ARHGAP44: variants seen among roughly 807,000 people sequenced by gnomAD.
ARHGAP44 encodes rho GTPase-activating protein 44.
ARHGAP44 carries 43 observed loss-of-function variants against 106.8 expected under a neutral mutation model. That is an observed-to-expected ratio of 0.40 (90% CI 0.32 to 0.52). The LOEUF is 0.52. Ranked by LOEUF, ARHGAP44 falls within the 20% of genes least tolerant of loss-of-function variation. The pLI, the probability that ARHGAP44 is intolerant of heterozygous loss-of-function variation, is 0.48. For missense variants in ARHGAP44, 866 were observed against 1,050.5 expected, an observed-to-expected ratio of 0.82 and a Z score of 2.43; for synonymous variants, 439 against 410.3, an observed-to-expected ratio of 1.07 and a Z score of -0.85.
intron 16 of ARHGAP44, among the ~76,000 whole-genome samples, chr17:12,971,714 C>A (rs2039531759): frequency 1.3e-5 from 2 of 152,054 alleles, no homozygotes; most frequent in African/African-American, 4.8e-5. Flanking sequence ...GTTCTCAGAC[C>A]CCAGATGACT....
In ARHGAP44 at chr17:12,877,650, T is replaced by C. The variant is rs1422515887; in HGVS notation, c.54-17290T>C. Among the ~76,000 whole-genome samples the C allele has an allele frequency of 5.3e-5, 8 of 151,868 alleles. No homozygotes were observed. The East Asian group carries it at 1.5e-3, about 29-fold the overall frequency. The stretch of plus-strand genomic sequence containing the variant: ...CTGTAGTCCCAGCTACTCGGGAGGC[T>C]GAGGCAGGAGAATGGCATGAACCCG... On this transcript the variant is annotated intron_variant, in intron 1 of 20. Transcript: ENST00000379672.
chr17:12,876,336 C>G (rs1299840304), intron 1 of ARHGAP44, among the ~76,000 whole-genome samples: 2 of 152,238 alleles, frequency 1.3e-5, no homozygotes, highest in African/African-American at 4.8e-5. Flanking sequence ...CCCTCACTCC[C>G]TCTGCCTCTT....
At position 12,802,952 on chromosome 17, in the gene ARHGAP44, TATATATATATATA is replaced by T. The variant is rs1305584682; in HGVS notation, c.53+13062_53+13074del. Among the ~76,000 whole-genome samples the T allele has an allele frequency of 6.6e-3, 158 of 23,840 alleles. 16 individuals are homozygous for T. Among genetic ancestry groups the T allele is most frequent in the African/African-American group, 0.023 (84 of 3,620 alleles). The allele number at this position is 23,840 out of a possible 152,430, so 15.6% of individuals were successfully genotyped here. On this transcript the variant is annotated intron_variant, in intron 1 of 20. Transcript: ENST00000379672. ...TTATATATATATATATATATATATA[TATATATATATATA>T]TATATTTTTTTTTTTTTTTTTTTTT...
intron 1 of ARHGAP44, among the ~76,000 whole-genome samples, chr17:12,865,013 GA>G (rs1294159598): frequency 1.3e-5 from 2 of 152,042 alleles, no homozygotes; most frequent in Non-Finnish European, 2.9e-5. Context: ...GCCTCGAGGA[GA>G]AAAAGAGCTA....
intron 1 of ARHGAP44, among the ~76,000 whole-genome samples, chr17:12,831,622 A>T (rs1271305232): frequency 6.6e-6 from 1 of 152,170 alleles, no homozygotes. Context: ...CAACCCTCCC[A>T]TCGAGGCCCT....
chr17:12,841,630 ACACAC>A (rs1439980059), intron 1 of ARHGAP44, among the ~76,000 whole-genome samples: 3 of 138,910 alleles, frequency 2.2e-5, no homozygotes, highest in East Asian at 2.0e-4. Flanking sequence ...ACACACACAC[ACACAC>A]ACACAAACAA....
intron 1 of ARHGAP44, among the ~76,000 whole-genome samples, chr17:12,801,716 T>C (rs1199548774): frequency 6.6e-6 from 1 of 152,140 alleles, no homozygotes; most frequent in Non-Finnish European, 1.5e-5. Flanking sequence ...AGGGTTAAGA[T>C]TGTACAGTAT....
At chr17:12,920,365 G>A in intron 6 of ARHGAP44, among the ~76,000 whole-genome samples, 1 of 91,240 alleles carries the variant, frequency 1.1e-5, no homozygotes, top group African/African-American at 6.7e-5. Flanking sequence ...GACAGAGCAA[G>A]ACTCCATCTC....
At chr17:12,844,665 A>G (rs2035512071) in intron 1 of ARHGAP44, among the ~76,000 whole-genome samples, 1 of 152,244 alleles carries the variant, frequency 6.6e-6, no homozygotes. Flanking sequence ...TTCATGGTGT[A>G]GAATATGTCT....
At chr17:12,899,376 T>C (rs770908055) in intron 3 of ARHGAP44, among the ~76,000 whole-genome samples, 20 of 152,170 alleles carry the variant, frequency 1.3e-4, no homozygotes, top group Non-Finnish European at 2.6e-4. Context: ...CAAAGAGCCA[T>C]TTAAAATAGG....
intron 1 of ARHGAP44, among the ~76,000 whole-genome samples, chr17:12,816,693 G>T (rs1326601019): frequency 2.0e-5 from 3 of 152,130 alleles, no homozygotes; most frequent in Admixed American, 6.5e-5. Context: ...AAAAGAGTCA[G>T]TTTACCAGAA....
intron 16 of ARHGAP44, among the ~76,000 whole-genome samples, chr17:12,963,532 A>G (rs948863014): frequency 1.3e-5 from 2 of 151,882 alleles, no homozygotes; most frequent in Non-Finnish European, 2.9e-5. Context: ...ACCTCTGCCA[A>G]TGCTGTGTGT....
intron 1 of ARHGAP44, among the ~76,000 whole-genome samples, chr17:12,806,396 G>A (rs1459804249): frequency 6.6e-6 from 1 of 152,176 alleles, no homozygotes; most frequent in Non-Finnish European, 1.5e-5. Context: ...ATCATTGGGA[G>A]TTGGGGTGAG....
chr17:12,984,082 G>C (rs2039897241), intron 19 of ARHGAP44, among the ~76,000 whole-genome samples: 2 of 152,206 alleles, frequency 1.3e-5, no homozygotes, highest in Admixed American at 1.3e-4. Flanking sequence ...ACCTGCCCCT[G>C]TGTCAGGGCT....
intron 4 of ARHGAP44, among the ~76,000 whole-genome samples, chr17:12,912,158 A>G (rs575165922): frequency 6.6e-6 from 1 of 152,334 alleles, no homozygotes; most frequent in South Asian, 2.1e-4. Context: ...AAAAAAGGTT[A>G]GGAGAACAAT....
At chr17:12,865,362 G>A (rs565819957) in intron 1 of ARHGAP44, among the ~76,000 whole-genome samples, 192 of 152,302 alleles carry the variant, frequency 1.3e-3, no homozygotes, top group Non-Finnish European at 2.3e-3. Context: ...AGGCCTTGGA[G>A]TTTATTACTC....
intron 7 of ARHGAP44, among the ~76,000 whole-genome samples, chr17:12,937,994 AG>A (rs2038595737): frequency 6.6e-6 from 1 of 152,078 alleles, no homozygotes. Flanking sequence ...CCAGCTCAGG[AG>A]GCTGAGGCAG....
At chr17:12,906,160 C>T (rs1175711092) in intron 3 of ARHGAP44, among the ~76,000 whole-genome samples, 1 of 152,194 alleles carries the variant, frequency 6.6e-6, no homozygotes, top group African/African-American at 2.4e-5. Flanking sequence ...GTTATGCCCT[C>T]TCTGTGAGGC....
intron 1 of ARHGAP44, among the ~76,000 whole-genome samples, chr17:12,820,923 G>A (rs931151832): frequency 6.6e-6 from 1 of 152,162 alleles, no homozygotes; most frequent in Non-Finnish European, 1.5e-5. Flanking sequence ...CTAAAACCCT[G>A]AAGAATGGAT....
Sources: gnomAD v4.1 joint callset for allele counts (sites outside exome capture counted in the v4.1 genomes callset) on GRCh38, gnomAD v4.1.1 for gene constraint, MANE v1.5 for transcripts, NCBI Gene and HGNC (gene_info 2026-07-23, HGNC 2026-07-21) for gene names.